Variants in PSMD9 observed in about 807,000 individuals in gnomAD.
PSMD9 encodes 26S proteasome non-ATPase regulatory subunit 9.
In PSMD9, 26 loss-of-function variants were observed where a neutral mutation model predicts 25.9. The ratio of observed to expected loss-of-function variants is 1.00; its 90% CI spans 0.73 to 1.39. PSMD9 has a LOEUF of 1.39. PSMD9 is among the 40% of genes most tolerant of loss of function. The pLI is 0.00. For synonymous variants in PSMD9, 110 were observed against 114.5 expected, an observed-to-expected ratio of 0.96 and a Z score of 0.25; for missense variants, 303 against 299.3, an observed-to-expected ratio of 1.01 and a Z score of -0.09.
chr12:121,913,236 G>A (rs756585789), intron 4 of PSMD9, among the ~76,000 whole-genome samples: 19 of 149,394 alleles, frequency 1.3e-4, no homozygotes, highest in South Asian at 4.2e-4. Flanking sequence ...GAGCCACCGC[G>A]CCTGGCCTTT....
At chr12:121,915,975 G>C in intron 5 of PSMD9, 31 bp downstream of exon 5, 1 of 1,591,678 alleles carries the variant, frequency 6.3e-7, no homozygotes, top group Non-Finnish European at 8.6e-7. Flanking sequence ...CATTCTCACT[G>C]GGGCATCATT....
intron 1 of PSMD9, among the ~76,000 whole-genome samples, chr12:121,893,060 G>A (rs1879132708): frequency 6.6e-6 from 1 of 152,212 alleles, no homozygotes; most frequent in African/African-American, 2.4e-5. Flanking sequence ...GTAGAGAATT[G>A]GGAGAGGAAT....
intron 1 of PSMD9, among the ~76,000 whole-genome samples, chr12:121,892,253 A>C (rs2137676077): frequency 6.6e-6 from 1 of 152,210 alleles, no homozygotes; most frequent in East Asian, 1.9e-4. Flanking sequence ...ATTTCTCCAA[A>C]GAAAATATGG....
intron 3 of PSMD9, among the ~76,000 whole-genome samples, chr12:121,901,663 C>CTTTTTTTTTTTTT (rs1376133221): frequency 8.8e-6 from 1 of 113,834 alleles, no homozygotes; most frequent in African/African-American, 4.3e-5. Context: ...CCCTTCATTC[C>CTTTTTTTTTTTTT]TTCTTTTTTT....
chr12:121,891,746 A>G (rs185608558), intron 1 of PSMD9, among the ~76,000 whole-genome samples: 92 of 152,108 alleles, frequency 6.0e-4, no homozygotes, highest in Middle Eastern at 3.4e-3. Context: ...TCTCAACGAA[A>G]AATACAAAAA....
In PSMD9 at chr12:121,888,954, T is replaced by C. The variant is rs1878972448; in HGVS notation, c.98T>C (p.Ile33Thr). 3 of 1,591,754 alleles carry C rather than the reference T, an allele frequency of 1.9e-6. No homozygotes were observed. Among genetic ancestry groups the C allele is most frequent in the South Asian group, 1.1e-5 (1 of 87,884 alleles). The change falls in exon 1 of 6, where the codon ATA becomes ACA. Residue 33 changes from isoleucine to threonine, a missense_variant. Transcript: ENST00000541212. ...VQELMRRKEE[I>T]EAQIKANYDV... ...GAGCTGATGCGGCGCAAGGAGGAGA[T>C]AGAAGCGCAGATCAAGGCCAACTAT...
At chr12:121,900,249 G>T (rs563048722) in intron 3 of PSMD9, among the ~76,000 whole-genome samples, 2 of 152,104 alleles carry the variant, frequency 1.3e-5, no homozygotes, top group Non-Finnish European at 2.9e-5. Flanking sequence ...TGGCTCATGC[G>T]TGTAATCCCA....
chr12:121,890,824 A>C (rs1328965716), intron 1 of PSMD9, among the ~76,000 whole-genome samples: 1 of 152,092 alleles, frequency 6.6e-6, no homozygotes, highest in Non-Finnish European at 1.5e-5. Context: ...ATGGAAAATG[A>C]TAATCTCTTC....
intron 4 of PSMD9, among the ~76,000 whole-genome samples, chr12:121,903,499 T>C (rs1423697699): frequency 1.3e-5 from 2 of 152,154 alleles, no homozygotes; most frequent in African/African-American, 4.8e-5. Context: ...GCCTCTGGTC[T>C]ATAGCCCTGG....
At position 121,888,792 on chromosome 12, in the gene PSMD9, G is replaced by T. The variant is rs1267195045; in HGVS notation, c.-65G>T. ...GGCGCATGGGCGGAGCCGTAGTTAC[G>T]GTCGACTGGGGCGTCGTCCCTAGCC... is the stretch of plus-strand genomic sequence containing the variant. On this transcript the variant is annotated 5_prime_UTR_variant, in exon 1 of 6. Coordinates refer to ENST00000541212, the MANE Select transcript of PSMD9 (RefSeq NM_002813.7). 3.9e-6 allele frequency: 6 copies of T among 1,545,852 alleles called. No homozygotes were observed. The highest frequency in any genetic ancestry group is 1.2e-5 in the South Asian group (1 of 83,652).
chr12:121,913,588 C>T (rs1162170657), intron 4 of PSMD9, among the ~76,000 whole-genome samples: 1 of 148,582 alleles, frequency 6.7e-6, no homozygotes, highest in East Asian at 2.0e-4. Context: ...AGCTTCTGGG[C>T]TCAAGTGATC....
intron 3 of PSMD9, 69 bp downstream of exon 3, chr12:121,899,914 G>T: frequency 1.3e-6 from 2 of 1,552,726 alleles, no homozygotes; most frequent in East Asian, 4.5e-5. Flanking sequence ...CTTCGGGGAT[G>T]TGGAAAGACA....
At chr12:121,898,734 G>C (rs1879303974) in intron 2 of PSMD9, 1 of 155,322 alleles carries the variant, frequency 6.4e-6, no homozygotes, top group South Asian at 2.0e-4. Flanking sequence ...GTTTTGTTTT[G>C]TTTTTGAGAC....
chr12:121,903,583 C>G (rs370140024), intron 4 of PSMD9, among the ~76,000 whole-genome samples: 1 of 152,054 alleles, frequency 6.6e-6, no homozygotes, highest in African/African-American at 2.4e-5. Flanking sequence ...CATTCAAGGA[C>G]TTGGCACCTG....
intron 3 of PSMD9, among the ~76,000 whole-genome samples, chr12:121,900,271 G>A (rs965377615): frequency 6.6e-6 from 1 of 152,188 alleles, no homozygotes; most frequent in African/African-American, 2.4e-5. Context: ...CACTTGAGAA[G>A]GCTGAGGCGA....
chr12:121,888,847 G>C lies in PSMD9; in HGVS notation c.-10G>C. ...AGCCGGGTCTCTGGAGTCGCGGCCC[G>C]GGGTTCACGATGTCCGACGAGGAAG... On this transcript the variant is annotated 5_prime_UTR_variant, in exon 1 of 6. Transcript: ENST00000541212. The C allele has an allele frequency of 6.3e-7, 1 of 1,599,996 alleles. No homozygotes were observed. Among genetic ancestry groups the C allele is most frequent in the Non-Finnish European group, 8.5e-7 (1 of 1,174,410 alleles).
intron 4 of PSMD9, chr12:121,914,907 T>A (rs557928281): frequency 6.6e-6 from 1 of 152,106 alleles, no homozygotes; most frequent in Non-Finnish European, 1.5e-5. Context: ...TATGGAAATA[T>A]ATAAAAGTAA....
chr12:121,905,596 C>T (rs920097586), intron 4 of PSMD9, among the ~76,000 whole-genome samples: 3 of 150,578 alleles, frequency 2.0e-5, no homozygotes, highest in Non-Finnish European at 4.4e-5. Context: ...GGCACGATCT[C>T]GGCTCACTGC....
intron 2 of PSMD9, among the ~76,000 whole-genome samples, chr12:121,896,192 G>A (rs543311729): frequency 2.0e-5 from 3 of 152,248 alleles, no homozygotes; most frequent in Non-Finnish European, 4.4e-5. Context: ...GTTCTCGGCC[G>A]GGTGCGGTGG....
Sources: allele counts gnomAD v4.1 joint callset (sites outside exome capture counted in the v4.1 genomes callset), GRCh38; gene constraint gnomAD v4.1.1; transcripts MANE v1.5; gene names NCBI Gene and HGNC (gene_info 2026-07-23, HGNC 2026-07-21).